The following NBEA variants were observed in gnomAD, a reference collection of about 807,000 sequenced individuals.
NBEA encodes the protein lysosomal-trafficking regulator 2.
In NBEA, 44 loss-of-function variants were observed where a neutral mutation model predicts 343.4. That is an observed-to-expected ratio of 0.13 (90% CI 0.10 to 0.16). NBEA has a LOEUF of 0.16. NBEA is among the 10% of genes least tolerant of loss of function. The pLI is 1.00. For synonymous variants in NBEA, 1,175 were observed against 1,238.7 expected (o/e 0.95, Z 1.08); for missense variants, 2,555 against 3,631.3 (o/e 0.70, Z 7.62).
At chr13:35,147,798 G>T (rs2068527214) in intron 18 of NBEA, among the ~76,000 whole-genome samples, 1 of 152,140 alleles carries the variant, frequency 6.6e-6, no homozygotes, top group Admixed American at 6.5e-5. Context: ...AAGGGTGTGA[G>T]TATAACAGAG....
At chr13:35,290,127 C>T (rs933637419) in intron 34 of NBEA, among the ~76,000 whole-genome samples, 1 of 151,626 alleles carries the variant, frequency 6.6e-6, no homozygotes, top group Admixed American at 6.6e-5. Flanking sequence ...AGCATGAAGT[C>T]AGTTTTCGAG....
intron 10 of NBEA, 85 bp downstream of exon 10, chr13:35,070,937 T>C: frequency 7.2e-7 from 1 of 1,396,450 alleles, no homozygotes; most frequent in Non-Finnish European, 9.5e-7. Context: ...TGTAAATGTA[T>C]TACAGTATTT....
chr13:35,458,492 T>G (rs543673798), intron 40 of NBEA, among the ~76,000 whole-genome samples: 1 of 152,296 alleles, frequency 6.6e-6, no homozygotes, highest in South Asian at 2.1e-4. Context: ...TTGAGTTAGT[T>G]TATATCAAAA....
chr13:35,519,816 A>G (rs1319127970), intron 41 of NBEA, among the ~76,000 whole-genome samples: 1 of 152,224 alleles, frequency 6.6e-6, no homozygotes, highest in Non-Finnish European at 1.5e-5. Flanking sequence ...AATATACAAT[A>G]CATTGTTATT....
intron 34 of NBEA, among the ~76,000 whole-genome samples, chr13:35,246,948 C>T (rs2031291605): frequency 6.6e-6 from 1 of 152,148 alleles, no homozygotes; most frequent in Admixed American, 6.5e-5. Flanking sequence ...TCAGACTCTC[C>T]TTGAGCTGGG....
At chr13:35,043,316 T>C (rs2062721722) in intron 2 of NBEA, among the ~76,000 whole-genome samples, 1 of 151,850 alleles carries the variant, frequency 6.6e-6, no homozygotes, top group Non-Finnish European at 1.5e-5. Flanking sequence ...ACATGGGAGA[T>C]AAGATAAAGA....
At chr13:35,353,112 C>T (rs928519726) in intron 38 of NBEA, among the ~76,000 whole-genome samples, 6 of 152,078 alleles carry the variant, frequency 3.9e-5, no homozygotes, top group Non-Finnish European at 5.9e-5. Context: ...GAAATGTAAA[C>T]GGGATACTAC....
intron 48 of NBEA, among the ~76,000 whole-genome samples, chr13:35,610,865 ATAAT>A (rs1457944319): frequency 1.3e-5 from 2 of 152,110 alleles, no homozygotes; most frequent in Non-Finnish European, 2.9e-5. Flanking sequence ...CAATATTTAG[ATAAT>A]TAATTTTTTT....
chr13:35,282,594 A>G (rs141044977), intron 34 of NBEA, among the ~76,000 whole-genome samples: 297 of 152,274 alleles, frequency 2.0e-3, no homozygotes, highest in Admixed American at 3.8e-3. Context: ...GATAGCGAAA[A>G]TGTCTCTTAT....
At chr13:35,629,243 C>T (rs543500584) in intron 49 of NBEA, among the ~76,000 whole-genome samples, 2 of 152,302 alleles carry the variant, frequency 1.3e-5, no homozygotes, top group East Asian at 1.9e-4. Context: ...TACCAGATAT[C>T]TGCCATCTGT....
chr13:35,298,651 C>T (rs2036324723), intron 35 of NBEA, among the ~76,000 whole-genome samples: 1 of 151,882 alleles, frequency 6.6e-6, no homozygotes, highest in Non-Finnish European at 1.5e-5. Flanking sequence ...AATACAAATA[C>T]ATACACTCAT....
intron 44 of NBEA, among the ~76,000 whole-genome samples, chr13:35,559,048 C>G (rs1393847183): frequency 6.6e-6 from 1 of 152,110 alleles, no homozygotes; most frequent in Non-Finnish European, 1.5e-5. Context: ...TGGATATATT[C>G]CTATTAATTT....
chr13:35,010,741 A>AATAT (rs869140392), intron 1 of NBEA, among the ~76,000 whole-genome samples: 38 of 31,914 alleles, frequency 1.2e-3, no homozygotes, highest in East Asian at 7.6e-3. Context: ...AAAAAAAAAA[A>AATAT]ATATATATAT....
chr13:35,027,668 A>C (rs74051217), intron 1 of NBEA, among the ~76,000 whole-genome samples: 3,526 of 152,062 alleles, frequency 0.023, 59 homozygotes, highest in South Asian at 0.075. Flanking sequence ...TCTCAGAGCA[A>C]AAGTTTTTAT....
intron 1 of NBEA, among the ~76,000 whole-genome samples, chr13:34,958,150 A>C (rs1021431530): frequency 3.3e-5 from 5 of 152,042 alleles, no homozygotes; most frequent in Non-Finnish European, 5.9e-5. Context: ...TTACCTGTTT[A>C]TATTTCTTTT....
chr13:35,228,107 T>G (rs1430016042), intron 33 of NBEA, among the ~76,000 whole-genome samples: 1 of 152,106 alleles, frequency 6.6e-6, no homozygotes, highest in Non-Finnish European at 1.5e-5. Flanking sequence ...GTATTTTTAT[T>G]CATACGAATT....
chr13:35,058,728 G>A lies in NBEA; in HGVS notation c.1104G>A (p.Lys368=), dbSNP rs1334563952. ...WHVNTNDSYD[K]CFLGSSETAD... is the part of the protein sequence containing the mutation. ...ACTTTTAAAAATAGAGCTATGACAA[G>A]TGCTTTCTTGGATCATCAGAAACTG... is the stretch of plus-strand genomic sequence containing the variant. The change falls in exon 8 of 59, where the codon AAG becomes AAA. Residue 368 remains lysine, a synonymous_variant. Coordinates refer to ENST00000379939, the MANE Select transcript of NBEA (RefSeq NM_001385012.1). 6.3e-7 allele frequency: 1 copy of A among 1,579,460 alleles called. No individual in the cohort carries two copies. Among genetic ancestry groups the A allele is most frequent in the Non-Finnish European group, 8.6e-7 (1 of 1,161,108 alleles).
intron 32 of NBEA, among the ~76,000 whole-genome samples, chr13:35,210,268 C>T (rs1389179804): frequency 6.6e-6 from 1 of 151,348 alleles, no homozygotes; most frequent in Non-Finnish European, 1.5e-5. Flanking sequence ...AAGTGATAAA[C>T]TTCTTAAAAG....
chr13:35,556,010 G>A (rs2079556045), intron 44 of NBEA, among the ~76,000 whole-genome samples: 1 of 151,844 alleles, frequency 6.6e-6, no homozygotes. Context: ...ATATAGATAT[G>A]TATTAAATAG....
Sources: gnomAD v4.1 joint callset for allele counts (sites outside exome capture counted in the v4.1 genomes callset) on GRCh38, gnomAD v4.1.1 for gene constraint, MANE v1.5 for transcripts, NCBI Gene and HGNC (gene_info 2026-07-23, HGNC 2026-07-21) for gene names.